The following TRPM3 variants were observed in gnomAD, a reference collection of about 807,000 sequenced individuals.
TRPM3 encodes transient receptor potential cation channel subfamily M member 3, also known as long transient receptor potential channel 3.
Under a neutral mutation model 181.2 loss-of-function variants are expected in TRPM3, and 77 were observed. That is an observed-to-expected ratio of 0.42 (90% CI 0.35 to 0.51). The LOEUF (loss-of-function observed/expected upper bound fraction) is 0.51. Among genes scored for constraint, TRPM3 ranks in the 20% least tolerant of loss-of-function variants. TRPM3 has a pLI of 0.01. For synonymous variants in TRPM3, 745 were observed against 796.4 expected (o/e 0.94, Z 1.09); for missense variants, 1,759 against 2,196.7 (o/e 0.80, Z 3.98).
At chr9:70,915,066 T>C (rs541366289) in intron 1 of TRPM3, among the ~76,000 whole-genome samples, 1 of 152,186 alleles carries the variant, frequency 6.6e-6, no homozygotes, top group East Asian at 1.9e-4. Context: ...TCCACAAATA[T>C]CAAGGCCATC....
intron 1 of TRPM3, among the ~76,000 whole-genome samples, chr9:71,421,411 T>C (rs545095376): frequency 1.6e-4 from 24 of 151,986 alleles, no homozygotes; most frequent in Admixed American, 1.4e-3. Flanking sequence ...CCTCCCTCTA[T>C]TGGCCTAAAG....
chr9:71,073,015 G>T (rs1026532696), intron 1 of TRPM3, among the ~76,000 whole-genome samples: 1 of 152,072 alleles, frequency 6.6e-6, no homozygotes, highest in Non-Finnish European at 1.5e-5. Flanking sequence ...CATCTTCCCC[G>T]GCCCCTTCCT....
chr9:71,308,010 G>A (rs988569093), intron 1 of TRPM3, among the ~76,000 whole-genome samples: 10 of 141,484 alleles, frequency 7.1e-5, no homozygotes, highest in South Asian at 4.4e-4. Context: ...CACTCTTGTC[G>A]CCCAGGCTGG....
chr9:70,800,811 T>A (rs4745042), intron 6 of TRPM3, among the ~76,000 whole-genome samples: 1 of 152,084 alleles, frequency 6.6e-6, no homozygotes, highest in Non-Finnish European at 1.5e-5. Flanking sequence ...CAATAGTATT[T>A]TTTTTTGAGA....
chr9:71,289,241 A>C (rs2085570983), intron 1 of TRPM3, among the ~76,000 whole-genome samples: 1 of 152,204 alleles, frequency 6.6e-6, no homozygotes, highest in East Asian at 1.9e-4. Context: ...TTTAGTATCT[A>C]TAAATGCACT....
intron 1 of TRPM3, among the ~76,000 whole-genome samples, chr9:71,024,360 A>C (rs2097873686): frequency 6.6e-6 from 1 of 152,192 alleles, no homozygotes; most frequent in Non-Finnish European, 1.5e-5. Context: ...GATGCAAAGA[A>C]TAAAGTAGAT....
At chr9:71,260,607 G>T (rs1477209666) in intron 1 of TRPM3, among the ~76,000 whole-genome samples, 5 of 152,152 alleles carry the variant, frequency 3.3e-5, no homozygotes, top group Non-Finnish European at 7.4e-5. Flanking sequence ...TCCCTTGTAA[G>T]TTGTATTCCA....
At chr9:70,880,166 G>C (rs892007733) in intron 1 of TRPM3, among the ~76,000 whole-genome samples, 15 of 152,020 alleles carry the variant, frequency 9.9e-5, no homozygotes, top group Admixed American at 9.8e-4. Flanking sequence ...AAAAATCTTA[G>C]GAAAGCTCTG....
intron 14 of TRPM3, among the ~76,000 whole-genome samples, chr9:70,623,866 CT>C (rs35568184): frequency 2.3e-3 from 343 of 149,688 alleles, no homozygotes; most frequent in African/African-American, 7.6e-3. Context: ...ATTATAGCCA[CT>C]TTTTTTTTTC....
intron 1 of TRPM3, among the ~76,000 whole-genome samples, chr9:71,427,977 T>C (rs893843717): frequency 6.6e-6 from 1 of 152,208 alleles, no homozygotes; most frequent in African/African-American, 2.4e-5. Flanking sequence ...GGTTATCAAC[T>C]AAATCACCTG....
chr9:70,651,286 T>C (rs957358139), intron 9 of TRPM3, among the ~76,000 whole-genome samples: 6 of 152,250 alleles, frequency 3.9e-5, no homozygotes, highest in African/African-American at 1.2e-4. Context: ...TTTGCTCTTT[T>C]GTTATTCTTT....
rs186160493 is a variant in TRPM3, at chr9:70,905,710, G to A, written c.178-41199C>T. ...CAATATACAGACATTATTATCCTCT[G>A]TCTGGGATCTGGATTCTAATAAGAA... On this transcript the variant is annotated intron_variant, in intron 1 of 25. Transcript: ENST00000677713. 7.9e-5 allele frequency among the ~76,000 whole-genome samples: 12 copies of A among 151,774 alleles called. No homozygotes were observed. The East Asian group carries it at 2.3e-3, about 29-fold the overall frequency.
chr9:71,339,258 A>T (rs1224758215), intron 1 of TRPM3, among the ~76,000 whole-genome samples: 2 of 152,172 alleles, frequency 1.3e-5, no homozygotes, highest in South Asian at 2.1e-4. Context: ...GATGTTAGTT[A>T]TGTCAAAGTT....
In TRPM3 at chr9:71,113,662, T is replaced by C. The variant is rs116190034; in HGVS notation, c.177+7516A>G. Among the ~76,000 whole-genome samples, 546 of 152,280 alleles carry C rather than the reference T, an allele frequency of 3.6e-3. 7 individuals are homozygous for C. Among genetic ancestry groups the C allele is most frequent in the African/African-American group, 0.013 (534 of 41,556 alleles). On this transcript the variant is annotated intron_variant, in intron 1 of 25. Transcript: ENST00000677713. The stretch of plus-strand genomic sequence containing the variant: ...GTTTCCTGCATGATCCCTTAAAAAA[T>C]AATTATAAAAGTCATTCAATGCTCT...
chr9:71,017,794 A>T (rs2134455153), intron 1 of TRPM3, among the ~76,000 whole-genome samples: 1 of 152,016 alleles, frequency 6.6e-6, no homozygotes, highest in Non-Finnish European at 1.5e-5. Context: ...CGCAGGAAAA[A>T]TGTCACAAAA....
chr9:71,284,806 C>T (rs1382790690), intron 1 of TRPM3, among the ~76,000 whole-genome samples: 1 of 152,096 alleles, frequency 6.6e-6, no homozygotes, highest in African/African-American at 2.4e-5. Flanking sequence ...GTTCAAAACT[C>T]AGCTAGGAAA....
At chr9:70,738,201 A>G (rs2073197621) in intron 8 of TRPM3, among the ~76,000 whole-genome samples, 2 of 152,212 alleles carry the variant, frequency 1.3e-5, no homozygotes, top group Admixed American at 6.5e-5. Context: ...ATAAAATTGG[A>G]AATCAACTCC....
intron 1 of TRPM3, among the ~76,000 whole-genome samples, chr9:70,986,470 A>G (rs1036309715): frequency 3.9e-5 from 6 of 152,252 alleles, no homozygotes; most frequent in Non-Finnish European, 5.9e-5. Flanking sequence ...GAACAAGTTT[A>G]TAATAATTCA....
At chr9:71,041,289 A>G (rs184376276) in intron 1 of TRPM3, among the ~76,000 whole-genome samples, 191 of 152,278 alleles carry the variant, frequency 1.3e-3, no homozygotes, top group African/African-American at 4.3e-3. Context: ...GGTGAATCCA[A>G]GTAAAGTATA....
Sources: gnomAD v4.1 joint callset for allele counts (sites outside exome capture counted in the v4.1 genomes callset) on GRCh38, gnomAD v4.1.1 for gene constraint, MANE v1.5 for transcripts, NCBI Gene and HGNC (gene_info 2026-07-23, HGNC 2026-07-21) for gene names.